CNOT11: variants seen among roughly 807,000 people sequenced by gnomAD.
CNOT11 encodes CCR4-NOT transcription complex subunit 11.
Under a neutral mutation model 44.6 loss-of-function variants are expected in CNOT11, and 18 were observed. The observed-to-expected ratio is 0.40, with a 90% CI of 0.28 to 0.60. The LOEUF is 0.60. CNOT11 is among the 20% of genes least tolerant of loss of function. CNOT11 has a pLI of 0.38. For synonymous variants in CNOT11, 291 were observed against 270.9 expected (o/e 1.07, Z -0.73); for missense variants, 513 against 677.0 (o/e 0.76, Z 2.69).
intron 4 of CNOT11, 35 bp downstream of exon 4, chr2:101,265,082 TTTTTA>T (rs1342059853): frequency 2.2e-6 from 3 of 1,385,826 alleles, no homozygotes; most frequent in Non-Finnish European, 2.9e-6. Flanking sequence ...CTTATCTTTT[TTTTTA>T]AATTTATTTT....
At position 101,269,082 on chromosome 2, in the gene CNOT11, T is replaced by C; in HGVS notation, c.1281T>C (p.Leu427=). The part of the protein sequence containing the change: ...AVDLPPEFIH[L]YISNCISTCE... ...ATCTACCTCCTGAATTTATTCACCTTTATATATCAAATTGCATCTCTACTT... is the reference window on the plus strand; with the variant it reads ...ATCTACCTCCTGAATTTATTCACCTCTATATATCAAATTGCATCTCTACTT... Residue 427 remains leucine, a synonymous_variant, in exon 6 of 7, where the codon CTT becomes CTC. Transcript: ENST00000289382. This position sits in a 1 kb window ranked among gnomAD's most constrained non-coding sequence, Gnocchi z 4.8. 4 of 1,610,882 alleles carry C rather than the reference T, an allele frequency of 2.5e-6. No individual in the cohort carries two copies. The highest frequency in any genetic ancestry group is 3.4e-6 in the Non-Finnish European group (4 of 1,177,860).
rs372616225 is a variant in CNOT11 at position 101,264,958 on chromosome 2, A to G, written c.946A>G (p.Met316Val). ...PDHAIQWDKSMCVKNSTGVEI... is the reference protein window; with the variant it reads ...PDHAIQWDKSVCVKNSTGVEI... Reference sequence around the variant, plus strand: ...CCACGCGATCCAGTGGGATAAATCGATGTGTGTTAAGAATAGCACTGGTGT... The same window carrying G: ...CCACGCGATCCAGTGGGATAAATCGGTGTGTGTTAAGAATAGCACTGGTGT... Residue 316 changes from methionine (M) to valine (V), a missense_variant, in exon 4 of 7, where the codon ATG becomes GTG. By Grantham distance (21) the Met-to-Val change is conservative. Around this residue, in one of 4 missense-constraint regions of CNOT11, gnomAD observed 140 missense variants for 169.8 expected, o/e 0.82. Transcript: ENST00000289382. The G allele has an allele frequency of 2.5e-6, 4 of 1,614,130 alleles. No homozygotes were observed. Among genetic ancestry groups the G allele is most frequent in the Non-Finnish European group, 3.4e-6 (4 of 1,179,998 alleles).
At chr2:101,258,395 CAATA>C (rs58613763) in intron 2 of CNOT11, among the ~76,000 whole-genome samples, 40,108 of 144,488 alleles carry the variant, frequency 0.28, 5,973 homozygotes, top group Middle Eastern at 0.35. Flanking sequence ...GACTCCATCT[CAATA>C]AATAAATAAA....
chr2:101,265,143 C>G, intron 4 of CNOT11, 96 bp downstream of exon 4: 1 of 819,050 alleles, frequency 1.2e-6, no homozygotes, highest in Non-Finnish European at 1.8e-6. Flanking sequence ...CTCGGCTGCC[C>G]AGGGTGGAGT....
rs1266701046 is a variant in CNOT11 at position 101,253,157 on chromosome 2, C to T, written c.193C>T (p.Pro65Ser). 8 of 1,587,396 alleles carry T rather than the reference C, an allele frequency of 5.0e-6. No homozygotes were observed. The highest frequency in any genetic ancestry group is 2.3e-5 in the East Asian group (1 of 42,658). ...CCCCGCGGGCAGGATGAGCTTGACC[C>T]CGAAGGAGCTCTCGAGCCTGCTGAG... ...GGPAGRMSLT[P>S]KELSSLLSII... Residue 65 changes from proline to serine, a missense_variant, in exon 1 of 7, where the codon CCG (proline) becomes TCG (serine). Around this residue, in one of 4 missense-constraint regions of CNOT11, gnomAD observed 259 missense variants for 265.7 expected, o/e 0.97. Coordinates refer to ENST00000289382, the MANE Select transcript of CNOT11 (RefSeq NM_017546.5). This position sits in a 1 kb window ranked among gnomAD's most constrained non-coding sequence, Gnocchi z 4.3.
intron 2 of CNOT11, 113 bp downstream of exon 2, chr2:101,258,068 A>G (rs989100661): frequency 8.9e-7 from 1 of 1,122,300 alleles, no homozygotes; most frequent in Non-Finnish European, 1.3e-6. Flanking sequence ...AGTATCATCC[A>G]TTTTAAAAAG....
At chr2:101,258,168 C>T (rs1317660665) in intron 2 of CNOT11, among the ~76,000 whole-genome samples, 1 of 151,892 alleles carries the variant, frequency 6.6e-6, no homozygotes, top group Non-Finnish European at 1.5e-5. Flanking sequence ...CTGAGGTGGG[C>T]AGATCATTTG....
At chr2:101,256,056 TTGAACCTGGGAGGCGGAGGC>T in intron 1 of CNOT11, among the ~76,000 whole-genome samples, 1 of 151,710 alleles carries the variant, frequency 6.6e-6, no homozygotes, top group Non-Finnish European at 1.5e-5. Flanking sequence ...GGAGAATTGC[TTGAACCTGGGAGGCGGAGGC>T]TGTAGTGAGC....
chr2:101,269,688 CT>C lies in CNOT11; in HGVS notation c.*285del, dbSNP rs1290921565. On this transcript the variant is annotated 3_prime_UTR_variant, in exon 7 of 7. Transcript: ENST00000289382. This position sits in a 1 kb window ranked among gnomAD's most constrained non-coding sequence, Gnocchi z 4.8. Reference sequence around the variant, plus strand: ...GTTCCGCAAAAAAGTAGATGAGTTTCTTTTTTTTTTAAGCACTAAAGAACAA... The same window carrying C: ...GTTCCGCAAAAAAGTAGATGAGTTTCTTTTTTTTTAAGCACTAAAGAACAA... The C allele has an allele frequency of 7.4e-3, 1,996 of 271,328 alleles. No individual in the cohort carries two copies. The highest frequency in any genetic ancestry group is 0.012 in the Middle Eastern group (11 of 884). The allele number at this position is 271,328 out of a possible 1,614,324, so 16.8% of individuals were successfully genotyped here.
chr2:101,254,863 A>C (rs1681703830), intron 1 of CNOT11, among the ~76,000 whole-genome samples: 1 of 141,044 alleles, frequency 7.1e-6, no homozygotes, highest in Non-Finnish European at 1.6e-5. Flanking sequence ...ACAGCTTCTA[A>C]ACACACACAC....
chr2:101,253,455 A>G lies in CNOT11; in HGVS notation c.491A>G (p.Glu164Gly). The G allele has an allele frequency of 6.6e-7, 1 of 1,504,772 alleles. No individual in the cohort carries two copies. Among genetic ancestry groups the G allele is most frequent in the Non-Finnish European group, 8.8e-7 (1 of 1,137,494 alleles). The allele number at this position is 1,504,772 out of a possible 1,614,324, so 93.2% of individuals were successfully genotyped here. ...NPAPPARGGQEPDRPPLSGFL... is the reference protein window; with the variant it reads ...NPAPPARGGQGPDRPPLSGFL... ...GCGCCGCCCGCCCGCGGCGGCCAGG[A>G]ACCCGACCGCCCTCCGCTCTCAGGT... Residue 164 changes from glutamate (E) to glycine (G), a missense_variant, in exon 1 of 7, where the codon GAA (glutamate) becomes GGA (glycine). Glu to Gly is a moderately conservative substitution (Grantham distance 98). This residue lies in a region of CNOT11 where 259 missense variants were observed against 265.7 expected (regional missense o/e 0.97). Transcript: ENST00000289382. The surrounding 1 kb of genome is among the most constrained non-coding windows in gnomAD (Gnocchi z 4.3).
intron 3 of CNOT11, among the ~76,000 whole-genome samples, chr2:101,262,947 C>T (rs941699569): frequency 1.3e-5 from 2 of 152,088 alleles, no homozygotes; most frequent in Admixed American, 6.6e-5. Context: ...ACAGGCTGGG[C>T]GCAGTGGCTC....
chr2:101,265,027 T>G lies in CNOT11; in HGVS notation c.1015T>G (p.Ser339Ala). 1 of 1,613,244 alleles carries G rather than the reference T, an allele frequency of 6.2e-7. No homozygotes were observed. Among genetic ancestry groups the G allele is most frequent in the Non-Finnish European group, 8.5e-7 (1 of 1,179,242 alleles). The change falls in exon 4 of 7, where the codon TCC (serine) becomes GCC (alanine). Residue 339 changes from serine to alanine, a missense_variant. Coordinates refer to ENST00000289382, the MANE Select transcript of CNOT11 (RefSeq NM_017546.5). ...GGCCAAAGCCTTCAAAAGCCCCTTA[T>G]CCTCTCCCCAACAAACACAGGTGTG... ...IMAKAFKSPL[S>A]SPQQTQLLGE... is the part of the protein sequence containing the mutation.
chr2:101,265,433 A>G (rs1433035011), intron 4 of CNOT11, among the ~76,000 whole-genome samples: 1 of 149,670 alleles, frequency 6.7e-6, no homozygotes, highest in Non-Finnish European at 1.5e-5. Flanking sequence ...ACAAGAGTTT[A>G]TTTTTTTTTT....
chr2:101,268,702 A>G (rs530435848), intron 5 of CNOT11, among the ~76,000 whole-genome samples: 2 of 152,326 alleles, frequency 1.3e-5, no homozygotes, highest in South Asian at 4.1e-4. Flanking sequence ...AAAACATTCC[A>G]TGTAATCCTT....
At chr2:101,266,538 A>C (rs1371269234) in intron 4 of CNOT11, 139 bp from the exon 5 acceptor site, 1 of 650,844 alleles carries the variant, frequency 1.5e-6, no homozygotes, top group Non-Finnish European at 2.7e-6. Context: ...TTGAAGGAAG[A>C]AATTTATGAA....
Position 101,253,273 on chromosome 2 carries a change from C to T in CNOT11, c.309C>T (p.Arg103=), listed in dbSNP as rs776858438. 16 of 1,611,772 alleles carry T rather than the reference C, an allele frequency of 9.9e-6. No homozygotes were observed. The Admixed American group carries it at 2.5e-4, about 25-fold the overall frequency. ...HHYFSKADHF[R]LGSVLVMLLQ... is the part of the protein sequence containing the mutation. ...ACTTCAGCAAGGCCGACCACTTCCG[C>T]CTGGGCTCGGTGCTCGTCATGCTGC... Residue 103 remains arginine, a synonymous_variant, in exon 1 of 7, where the codon CGC becomes CGT. Transcript: ENST00000289382. This position sits in a 1 kb window ranked among gnomAD's most constrained non-coding sequence, Gnocchi z 4.3.
At chr2:101,265,685 A>G (rs971477833) in intron 4 of CNOT11, among the ~76,000 whole-genome samples, 3 of 152,140 alleles carry the variant, frequency 2.0e-5, no homozygotes, top group Non-Finnish European at 1.5e-5. Flanking sequence ...GTTTGAGCTG[A>G]TGGTAACGCT....
chr2:101,261,023 T>G (rs1300699893), intron 2 of CNOT11, among the ~76,000 whole-genome samples: 8 of 152,196 alleles, frequency 5.3e-5, no homozygotes, highest in Non-Finnish European at 1.2e-4. Flanking sequence ...TGATGGTCTT[T>G]TATTGATTTG....
Sources: gnomAD v4.1 joint callset for allele counts (sites outside exome capture counted in the v4.1 genomes callset) on GRCh38, gnomAD v4.1.1 for gene constraint, gnomAD v4.1.1 regional missense constraint, Gnocchi (gnomAD v3.1) non-coding constraint, MANE v1.5 for transcripts, NCBI Gene and HGNC (gene_info 2026-07-23, HGNC 2026-07-21) for gene names.